Variants in GSTO1 observed in about 807,000 individuals in gnomAD.
GSTO1 encodes the protein glutathione S-transferase omega 1.
Under a neutral mutation model 23.8 loss-of-function variants are expected in GSTO1, and 27 were observed. The ratio of observed to expected loss-of-function variants is 1.13; its 90% CI spans 0.83 to 1.56. The LOEUF is 1.56. Among genes scored for constraint, GSTO1 ranks in the 40% most tolerant of loss-of-function variants. GSTO1 has a pLI of 0.00. For missense variants in GSTO1, 255 were observed against 285.8 expected (o/e 0.89, Z 0.78); for synonymous variants, 105 against 109.3 (o/e 0.96, Z 0.25).
intron 3 of GSTO1, among the ~76,000 whole-genome samples, chr10:104,261,172 C>T (rs553649142): frequency 6.6e-5 from 10 of 152,130 alleles, no homozygotes; most frequent in Admixed American, 5.2e-4. Flanking sequence ...TTGTAGGACA[C>T]GTCAGAGAAA....
At chr10:104,265,806 A>G (rs552592775) in intron 4 of GSTO1, among the ~76,000 whole-genome samples, 1 of 152,198 alleles carries the variant, frequency 6.6e-6, no homozygotes, top group South Asian at 2.1e-4. Context: ...AATCCTTTCT[A>G]TATTCTGAAT....
chr10:104,255,518 C>G (rs968558576), intron 2 of GSTO1, among the ~76,000 whole-genome samples: 8 of 152,240 alleles, frequency 5.3e-5, no homozygotes, highest in African/African-American at 1.9e-4. Context: ...ATTAGAAAAG[C>G]TGAGGCTCCA....
intron 2 of GSTO1, among the ~76,000 whole-genome samples, chr10:104,257,582 C>A (rs1433472287): frequency 1.3e-5 from 2 of 152,090 alleles, no homozygotes; most frequent in Admixed American, 6.5e-5. Context: ...TTTAAGCAAT[C>A]CGCCCACTGC....
chr10:104,254,841 G>C (rs1356977080), upstream of GSTO1: 2 of 1,305,248 alleles, frequency 1.5e-6, no homozygotes, highest in African/African-American at 2.9e-5. Flanking sequence ...GGAGGAAGCG[G>C]GGGAGGGAAG....
At chr10:104,254,666 T>TAC, upstream of GSTO1, 2 of 566,108 alleles carry the variant, frequency 3.5e-6, no homozygotes, top group South Asian at 2.0e-5. Context: ...GGCGGAGGGA[T>TAC]GACTGAGCAT....
Position 104,267,247 on chromosome 10 carries a change from C to T in GSTO1, c.573-5C>T, listed in dbSNP as rs778856358. 2.5e-6 allele frequency: 4 copies of T among 1,602,792 alleles called. No homozygotes were observed. In the East Asian group the frequency reaches 8.9e-5, roughly 36 times the overall value. ...CACACCTTTCATTTTTTCCTCTTCC[C>T]ACAGGTGTGTAGACCACACTCCAAA... On this transcript the variant is annotated splice_polypyrimidine_tract_variant and splice_region_variant and intron_variant, in intron 5 of 5. Transcript: ENST00000369713.
At chr10:104,254,598 G>C (rs940617305), upstream of GSTO1, 6 of 435,844 alleles carry the variant, frequency 1.4e-5, no homozygotes, top group African/African-American at 1.0e-4. Context: ...AGGGAGGTCA[G>C]GGTCAGGGTC....
Position 104,266,288 on chromosome 10 carries a change from C to T in GSTO1, c.572+98C>T, listed in dbSNP as rs45463994. 5.7e-4 allele frequency: 396 copies of T among 693,162 alleles called. 1 individual carries two copies. The African/African-American group carries it at 6.0e-3, about 10-fold the overall frequency. 42.9% of individuals were successfully genotyped at this position (693,162 alleles called of 1,614,324 possible). ...ACAGAAGTTGAAATATTTAATACAA[C>T]TGGTCTGAATGAGAACAAGCAGACA... On this transcript the variant is annotated intron_variant, in intron 5 of 5. Transcript: ENST00000369713.
intron 4 of GSTO1, among the ~76,000 whole-genome samples, chr10:104,265,055 G>A (rs754730184): frequency 6.6e-6 from 1 of 152,148 alleles, no homozygotes; most frequent in Non-Finnish European, 1.5e-5. Context: ...TTGCACCGTC[G>A]TAAAGTTGAA....
intron 3 of GSTO1, among the ~76,000 whole-genome samples, chr10:104,261,339 G>A (rs2011138545): frequency 6.6e-6 from 1 of 152,060 alleles, no homozygotes; most frequent in African/African-American, 2.4e-5. Flanking sequence ...TTCCCTGCTT[G>A]GGTTTTAAAG....
chr10:104,264,937 T>C (rs949696944), intron 4 of GSTO1, among the ~76,000 whole-genome samples: 2 of 152,222 alleles, frequency 1.3e-5, no homozygotes, highest in Non-Finnish European at 2.9e-5. Flanking sequence ...GTTTACTCTC[T>C]TGATGGTATG....
intron 3 of GSTO1, among the ~76,000 whole-genome samples, chr10:104,262,363 A>G (rs897765261): frequency 9.9e-5 from 15 of 152,104 alleles, no homozygotes; most frequent in Non-Finnish European, 2.9e-5. Context: ...CTTAATTCCA[A>G]GCCTGTTTGT....
At chr10:104,267,033 A>T (rs2011197692) in intron 5 of GSTO1, among the ~76,000 whole-genome samples, 1 of 152,212 alleles carries the variant, frequency 6.6e-6, no homozygotes, top group South Asian at 2.1e-4. Context: ...CATTAACTGA[A>T]CAAATTGCTT....
chr10:104,258,194 G>C (rs994828570), intron 2 of GSTO1, among the ~76,000 whole-genome samples: 7 of 152,152 alleles, frequency 4.6e-5, no homozygotes, highest in African/African-American at 1.7e-4. Flanking sequence ...GGAAGACCTG[G>C]GAAAAGGCAG....
rs752197685 is a variant in GSTO1, at chr10:104,255,226, C to T, written c.98C>T (p.Pro33Leu). The change falls in exon 2 of 6, where the codon CCG becomes CTG. Residue 33 changes from proline to leucine, a missense_variant. Coordinates refer to ENST00000369713, the MANE Select transcript of GSTO1 (RefSeq NM_004832.3). ...SIRIYSMRFC[P>L]FAERTRLVLK... is the part of the protein sequence containing the mutation. ...CGCATCTACAGCATGAGGTTCTGCC[C>T]GTTTGCTGAGAGGACGCGTCTAGTC... 3 of 1,613,826 alleles carry T rather than the reference C, an allele frequency of 1.9e-6. No homozygotes were observed. Among genetic ancestry groups the T allele is most frequent in the East Asian group, 2.2e-5 (1 of 44,850 alleles).
intron 2 of GSTO1, among the ~76,000 whole-genome samples, chr10:104,258,057 C>T (rs767300445): frequency 6.6e-6 from 1 of 152,186 alleles, no homozygotes; most frequent in East Asian, 1.9e-4. Context: ...AATAAGTGAG[C>T]AAAGTAATTT....
intron 2 of GSTO1, among the ~76,000 whole-genome samples, chr10:104,258,743 A>G (rs1461084579): frequency 6.6e-6 from 1 of 151,956 alleles, no homozygotes; most frequent in Non-Finnish European, 1.5e-5. Context: ...GGTCCCAACT[A>G]CTCGGGAGGT....
intron 3 of GSTO1, among the ~76,000 whole-genome samples, chr10:104,260,990 C>T (rs775007931): frequency 8.5e-5 from 13 of 152,138 alleles, no homozygotes; most frequent in Admixed American, 2.6e-4. Context: ...GACACGAAGT[C>T]ATCAATACCA....
At position 104,255,263 on chromosome 10, in the gene GSTO1, G is replaced by A; in HGVS notation, c.135G>A (p.Lys45=). ...GGACGCGTCTAGTCCTGAAGGCCAA[G>A]GGAATCAGGTGGGCACCCAGGCGGG... ...AERTRLVLKA[K]GIRHEVININ... The change falls in exon 2 of 6, where the codon AAG becomes AAA. Residue 45 remains lysine, a synonymous_variant. Transcript: ENST00000369713. 1.2e-6 allele frequency: 2 copies of A among 1,607,580 alleles called. No homozygotes were observed. The highest frequency in any genetic ancestry group is 1.7e-6 in the Non-Finnish European group (2 of 1,173,978).
Sources: gnomAD v4.1 joint callset for allele counts (sites outside exome capture counted in the v4.1 genomes callset) on GRCh38, gnomAD v4.1.1 for gene constraint, MANE v1.5 for transcripts, NCBI Gene and HGNC (gene_info 2026-07-23, HGNC 2026-07-21) for gene names.